The following VPS8 variants were observed in gnomAD, a reference collection of about 807,000 sequenced individuals.
VPS8 encodes vacuolar protein sorting-associated protein 8 homolog.
A neutral mutation model predicts 216.4 loss-of-function variants in VPS8; 129 were observed. The observed-to-expected ratio is 0.60, with a 90% CI of 0.52 to 0.69. The LOEUF is 0.69. Ranked by LOEUF, VPS8 falls within the 30% of genes least tolerant of loss-of-function variation. VPS8 has a pLI of 0.00. For synonymous variants in VPS8, 571 were observed against 565.4 expected (o/e 1.01, Z -0.14); for missense variants, 1,531 against 1,683.5 (o/e 0.91, Z 1.59).
At chr3:184,953,641 G>C (rs1024247465) in intron 36 of VPS8, among the ~76,000 whole-genome samples, 1 of 152,074 alleles carries the variant, frequency 6.6e-6, no homozygotes, top group Non-Finnish European at 1.5e-5. Flanking sequence ...AACAACTCAG[G>C]GACATATGTT....
chr3:184,895,854 G>A (rs767539898), intron 23 of VPS8, among the ~76,000 whole-genome samples: 71 of 150,342 alleles, frequency 4.7e-4, no homozygotes, highest in Non-Finnish European at 5.6e-4. Context: ...GGCTGGTCTC[G>A]AACTTTTGAC....
intron 36 of VPS8, among the ~76,000 whole-genome samples, chr3:184,952,606 C>A (rs1195872694): frequency 6.6e-6 from 1 of 152,064 alleles, no homozygotes; most frequent in Non-Finnish European, 1.5e-5. Flanking sequence ...TATTCAGTAA[C>A]CTATAGGAAG....
intron 46 of VPS8, among the ~76,000 whole-genome samples, chr3:185,038,084 C>A (rs1212184774): frequency 6.6e-6 from 1 of 152,070 alleles, no homozygotes; most frequent in Non-Finnish European, 1.5e-5. Flanking sequence ...TATTGTATAC[C>A]CTATGTACTG....
intron 34 of VPS8, among the ~76,000 whole-genome samples, chr3:184,935,536 C>T (rs749343042): frequency 4.0e-5 from 6 of 151,704 alleles, no homozygotes; most frequent in Non-Finnish European, 7.4e-5. Context: ...GTGTTTTAGC[C>T]GTGTATTGTG....
chr3:184,968,115 A>G (rs965759524), intron 39 of VPS8, among the ~76,000 whole-genome samples: 5 of 152,154 alleles, frequency 3.3e-5, no homozygotes, highest in Non-Finnish European at 4.4e-5. Flanking sequence ...TGATTACTCA[A>G]GTATCTCATA....
At chr3:184,987,087 C>T (rs1479777737) in intron 42 of VPS8, among the ~76,000 whole-genome samples, 1 of 152,008 alleles carries the variant, frequency 6.6e-6, no homozygotes, top group Admixed American at 6.6e-5. Flanking sequence ...CATCCTCCTC[C>T]CTATGCTAAT....
At chr3:184,926,754 G>T in intron 31 of VPS8, 104 bp downstream of exon 31, 2 of 1,131,574 alleles carry the variant, frequency 1.8e-6, no homozygotes, top group Non-Finnish European at 2.5e-6. Context: ...GCAATTACTT[G>T]TGCCAAACCC....
intron 23 of VPS8, among the ~76,000 whole-genome samples, chr3:184,897,156 G>GT (rs1733653105): frequency 6.6e-6 from 1 of 152,166 alleles, no homozygotes; most frequent in Non-Finnish European, 1.5e-5. Context: ...TGCTTTAGGG[G>GT]TAACAGAATC....
intron 46 of VPS8, among the ~76,000 whole-genome samples, chr3:185,031,062 C>CTTTTTTTTTTTTTTTTT (rs1561198896): frequency 8.0e-5 from 6 of 75,236 alleles, no homozygotes; most frequent in African/African-American, 4.4e-4. Flanking sequence ...TACAGGTTGG[C>CTTTTTTTTTTTTTTTTT]GTTTTTTTTT....
intron 28 of VPS8, among the ~76,000 whole-genome samples, chr3:184,918,249 A>G (rs893218904): frequency 6.6e-6 from 1 of 152,132 alleles, no homozygotes; most frequent in African/African-American, 2.4e-5. Context: ...GAGAATGTTG[A>G]CCCGTGGATT....
chr3:184,884,626 T>A (rs927513986), intron 21 of VPS8, among the ~76,000 whole-genome samples: 20 of 152,322 alleles, frequency 1.3e-4, no homozygotes, highest in African/African-American at 4.6e-4. Context: ...AGGCAGATTT[T>A]TTTTTTCTAA....
At chr3:184,862,858 G>T in intron 15 of VPS8, 39 bp from the exon 16 acceptor site, 1 of 1,590,642 alleles carries the variant, frequency 6.3e-7, no homozygotes, top group Non-Finnish European at 8.6e-7. Context: ...TGAAGCGGGT[G>T]TGGTCTCACT....
At chr3:184,845,256 T>G (rs561345057) in intron 8 of VPS8, among the ~76,000 whole-genome samples, 2 of 152,298 alleles carry the variant, frequency 1.3e-5, no homozygotes, top group Non-Finnish European at 1.5e-5. Context: ...GGAATTTAAG[T>G]GTTTTGAAGA....
At chr3:184,817,783 A>G (rs188629061) in intron 1 of VPS8, among the ~76,000 whole-genome samples, 5 of 152,346 alleles carry the variant, frequency 3.3e-5, no homozygotes, top group African/African-American at 1.2e-4. Flanking sequence ...ATGTCTACCT[A>G]GCTGTGCAAG....
intron 42 of VPS8, among the ~76,000 whole-genome samples, chr3:184,989,765 A>G (rs1424808925): frequency 6.6e-6 from 1 of 152,118 alleles, no homozygotes; most frequent in Non-Finnish European, 1.5e-5. Flanking sequence ...CTGGCCTCAG[A>G]GAATGAGTTA....
At chr3:184,843,047 T>C (rs1333717327) in intron 7 of VPS8, among the ~76,000 whole-genome samples, 193 bp from the exon 8 acceptor site, 3 of 152,148 alleles carry the variant, frequency 2.0e-5, no homozygotes, top group African/African-American at 7.2e-5. Flanking sequence ...ATGGATTTTT[T>C]CCCATAACCC....
At chr3:184,956,929 T>G (rs1422672041) in intron 36 of VPS8, among the ~76,000 whole-genome samples, 1 of 152,206 alleles carries the variant, frequency 6.6e-6, no homozygotes, top group East Asian at 1.9e-4. Context: ...TTATAGTGTT[T>G]TAGAGAAGAT....
At chr3:184,940,639 A>G (rs1244664734) in intron 36 of VPS8, among the ~76,000 whole-genome samples, 1 of 152,138 alleles carries the variant, frequency 6.6e-6, no homozygotes, top group Non-Finnish European at 1.5e-5. Flanking sequence ...TTCCCAGCCC[A>G]CCTCTAAATG....
chr3:184,947,345 G>A (rs1462546421), intron 36 of VPS8, among the ~76,000 whole-genome samples: 1 of 152,118 alleles, frequency 6.6e-6, no homozygotes, highest in Admixed American at 6.5e-5. Flanking sequence ...TAAAAGCTAG[G>A]TGGGTAGCTC....
Sources: gnomAD v4.1 joint callset for allele counts (sites outside exome capture counted in the v4.1 genomes callset) on GRCh38, gnomAD v4.1.1 for gene constraint, MANE v1.5 for transcripts, NCBI Gene and HGNC (gene_info 2026-07-23, HGNC 2026-07-21) for gene names.